Variants in GTPBP10 observed in about 807,000 individuals in gnomAD.
GTPBP10 encodes GTP binding protein 10, also known as GTP-binding protein 10.
In GTPBP10, 38 loss-of-function variants were observed where a neutral mutation model predicts 44.8. That is an observed-to-expected ratio of 0.85 (90% CI 0.65 to 1.11). The LOEUF (loss-of-function observed/expected upper bound fraction) is 1.11, where lower values mean the gene tolerates loss of function less well. Among genes scored for constraint, GTPBP10 ranks in the 50% most tolerant of loss-of-function variants. The probability of loss-of-function intolerance (pLI) is 0.00; values close to 1 mark genes in which losing one functional copy is unlikely to be tolerated. For missense variants in GTPBP10, 462 were observed against 453.7 expected, an observed-to-expected ratio of 1.02 and a Z score of -0.17; for synonymous variants, 152 against 150.6, an observed-to-expected ratio of 1.01 and a Z score of -0.07.
In GTPBP10 at chr7:90,385,734, T is replaced by C. The variant is rs1320849032; in HGVS notation, c.*580T>C. ...AGAACCATACCTTTTAAAGTTATTA[T>C]TTTGTAATTAAGTATGTCAACAGTA... On this transcript the variant is annotated 3_prime_UTR_variant, in exon 10 of 10. Transcript: ENST00000222511. The C allele has an allele frequency of 6.6e-6, 1 of 152,178 alleles. No homozygotes were observed. The highest frequency in any genetic ancestry group is 1.9e-4 in the East Asian group (1 of 5,194). The allele number at this position is 152,178 out of a possible 1,614,324, so 9.4% of individuals were successfully genotyped here.
intron 5 of GTPBP10, among the ~76,000 whole-genome samples, 189 bp from the exon 6 acceptor site, chr7:90,374,113 C>T (rs773874406): frequency 3.3e-5 from 5 of 152,188 alleles, no homozygotes; most frequent in Non-Finnish European, 5.9e-5. Context: ...ATTGGGATTA[C>T]AGACATGAGC....
chr7:90,347,165 A>C (rs1181536022), intron 1 of GTPBP10, among the ~76,000 whole-genome samples: 1 of 152,114 alleles, frequency 6.6e-6, no homozygotes, highest in East Asian at 1.9e-4. Context: ...TTTTATGAAG[A>C]CACGAAAGCG....
intron 6 of GTPBP10, 100 bp downstream of exon 6, chr7:90,374,454 G>A: frequency 1.4e-6 from 1 of 735,038 alleles, no homozygotes; most frequent in Non-Finnish European, 2.3e-6. Context: ...TGTGGTGTTA[G>A]GGGAGAAAAA....
intron 4 of GTPBP10, among the ~76,000 whole-genome samples, chr7:90,362,726 A>C (rs1472164015): frequency 6.6e-6 from 1 of 152,214 alleles, no homozygotes; most frequent in Non-Finnish European, 1.5e-5. Context: ...TAATGTTGAC[A>C]GTGGGGTGTT....
chr7:90,368,900 C>G (rs1044926404), intron 4 of GTPBP10, among the ~76,000 whole-genome samples: 1 of 152,214 alleles, frequency 6.6e-6, no homozygotes, highest in Admixed American at 6.5e-5. Context: ...TTCAGCTTTT[C>G]TGCTCTGGTT....
At chr7:90,380,346 G>T (rs1796415257) in intron 8 of GTPBP10, among the ~76,000 whole-genome samples, 1 of 152,138 alleles carries the variant, frequency 6.6e-6, no homozygotes, top group African/African-American at 2.4e-5. Context: ...CCAGAGTGCT[G>T]GGATTACAGA....
chr7:90,361,229 C>G (rs1283366112), intron 4 of GTPBP10, among the ~76,000 whole-genome samples: 1 of 152,112 alleles, frequency 6.6e-6, no homozygotes, highest in Non-Finnish European at 1.5e-5. Context: ...AAAGGGAGTG[C>G]TTCCAGTTTT....
chr7:90,370,669 C>A (rs778676648), intron 4 of GTPBP10, among the ~76,000 whole-genome samples: 92 of 152,006 alleles, frequency 6.1e-4, no homozygotes, highest in Non-Finnish European at 8.1e-4. Context: ...ACAACAACAA[C>A]AAAAAAATCA....
At chr7:90,370,963 G>A (rs201460409) in intron 4 of GTPBP10, among the ~76,000 whole-genome samples, 4 of 151,634 alleles carry the variant, frequency 2.6e-5, no homozygotes, top group Non-Finnish European at 4.4e-5. Context: ...CCAAGATCAC[G>A]CCACTGCACT....
At chr7:90,353,560 T>G (rs1273157472) in intron 2 of GTPBP10, among the ~76,000 whole-genome samples, 1 of 152,174 alleles carries the variant, frequency 6.6e-6, no homozygotes, top group Admixed American at 6.5e-5. Flanking sequence ...ATTTTGTCAT[T>G]TGTCTATTTA....
At chr7:90,364,482 C>G (rs67841568) in intron 4 of GTPBP10, among the ~76,000 whole-genome samples, 9,941 of 152,226 alleles carry the variant, frequency 0.065, 358 homozygotes, top group South Asian at 0.15. Context: ...GCTGCCTGAT[C>G]GTTCCTCTGG....
intron 1 of GTPBP10, among the ~76,000 whole-genome samples, chr7:90,352,218 C>T (rs1342172604): frequency 6.6e-6 from 1 of 152,108 alleles, no homozygotes; most frequent in Non-Finnish European, 1.5e-5. Flanking sequence ...TGAAAGACTT[C>T]CATTTGTGTA....
At chr7:90,353,593 C>T (rs558906041) in intron 2 of GTPBP10, among the ~76,000 whole-genome samples, 12 of 151,404 alleles carry the variant, frequency 7.9e-5, no homozygotes, top group East Asian at 5.8e-4. Context: ...TTTTTTTTTC[C>T]GATTATAACC....
At chr7:90,381,953 C>T (rs1265701568) in intron 8 of GTPBP10, among the ~76,000 whole-genome samples, 1 of 151,914 alleles carries the variant, frequency 6.6e-6, no homozygotes, top group East Asian at 1.9e-4. Flanking sequence ...AACCATAAAA[C>T]CACTAGAAGA....
chr7:90,349,315 G>C (rs1235682666), intron 1 of GTPBP10, among the ~76,000 whole-genome samples: 1 of 152,034 alleles, frequency 6.6e-6, no homozygotes, highest in Non-Finnish European at 1.5e-5. Flanking sequence ...AGCCTTAAAG[G>C]TCCTTGCGAC....
chr7:90,347,043 A>G (rs942065734), intron 1 of GTPBP10, among the ~76,000 whole-genome samples: 5 of 152,080 alleles, frequency 3.3e-5, no homozygotes, highest in Non-Finnish European at 7.4e-5. Context: ...AGGAACTGGG[A>G]TACCTGCCTG....
rs559724937 is a variant in GTPBP10 at position 90,384,861 on chromosome 7, A to G, written c.902-31A>G. ...TTTAACTAACTTTCGAAAACAATGG[A>G]AATCAGCTTTGTTTGTGCTCTTTCT... On this transcript the variant is annotated intron_variant, in intron 9 of 9. Transcript: ENST00000222511. 2.9e-5 allele frequency: 46 copies of G among 1,560,806 alleles called. No homozygotes were observed. The East Asian group carries it at 1.0e-3, about 34-fold the overall frequency.
chr7:90,388,932 A>G lies in GTPBP10; in HGVS notation c.*3778A>G, dbSNP rs1334359010. The G allele has an allele frequency of 6.6e-6, 1 of 152,266 alleles. No homozygotes were observed. Among genetic ancestry groups the G allele is most frequent in the Non-Finnish European group, 1.5e-5 (1 of 68,048 alleles). 9.4% of individuals were successfully genotyped at this position (152,266 alleles called of 1,614,324 possible). On this transcript the variant is annotated 3_prime_UTR_variant, in exon 10 of 10. Coordinates refer to ENST00000222511, the MANE Select transcript of GTPBP10 (RefSeq NM_033107.4). ...GCATTGTCATTAAGATATATTAAAA[A>G]TAATTTTTCAAAGCAACAGCACAGA...
intron 4 of GTPBP10, among the ~76,000 whole-genome samples, chr7:90,359,848 G>A (rs1241023382): frequency 6.6e-6 from 1 of 152,214 alleles, no homozygotes; most frequent in Non-Finnish European, 1.5e-5. Context: ...ACTGGTGTGA[G>A]ATGGTATCTC....
Sources: allele counts gnomAD v4.1 joint callset (sites outside exome capture counted in the v4.1 genomes callset), GRCh38; gene constraint gnomAD v4.1.1; transcripts MANE v1.5; gene names NCBI Gene and HGNC (gene_info 2026-07-23, HGNC 2026-07-21).